The following CACNA2D3 variants were observed in gnomAD, a reference collection of about 807,000 sequenced individuals.
The protein encoded by CACNA2D3 is voltage-dependent calcium channel subunit alpha-2/delta-3.
CACNA2D3 carries 60 observed loss-of-function variants against 160.6 expected under a neutral mutation model. That is an observed-to-expected ratio of 0.37 (90% confidence interval 0.30 to 0.46). The LOEUF is 0.46. Ranked by LOEUF, CACNA2D3 falls within the 20% of genes least tolerant of loss-of-function variation. CACNA2D3 has a pLI of 1.00. For synonymous variants in CACNA2D3, 558 were observed against 492.9 expected (o/e 1.13, Z -1.75); for missense variants, 1,205 against 1,365.0 (o/e 0.88, Z 1.85).
intron 11 of CACNA2D3, among the ~76,000 whole-genome samples, chr3:54,677,019 G>A (rs901888802): frequency 1.6e-4 from 25 of 152,160 alleles, no homozygotes; most frequent in Admixed American, 1.4e-3. Flanking sequence ...CTCAAATGAT[G>A]TGTGGCATTT....
intron 27 of CACNA2D3, among the ~76,000 whole-genome samples, chr3:54,910,590 C>T (rs1391862047): frequency 1.3e-5 from 2 of 152,168 alleles, no homozygotes; most frequent in Admixed American, 6.5e-5. Flanking sequence ...ACTCATCTCC[C>T]TAACTAGTAA....
chr3:54,922,425 C>CAGT (rs1340080564), intron 27 of CACNA2D3, among the ~76,000 whole-genome samples: 2 of 151,888 alleles, frequency 1.3e-5, no homozygotes. Flanking sequence ...TAGTTCAAGC[C>CAGT]ACTTTACCTG....
At chr3:54,883,799 A>ATCTCTCTCACTCTCTCTCTCTCTCTC (rs1553904142) in intron 21 of CACNA2D3, among the ~76,000 whole-genome samples, 9 of 107,420 alleles carry the variant, frequency 8.4e-5, no homozygotes, top group South Asian at 3.9e-4. Context: ...TTACAATGGA[A>ATCTCTCTCACTCTCTCTCTCTCTCTC]TCTCTCTCTC....
intron 4 of CACNA2D3, among the ~76,000 whole-genome samples, chr3:54,434,487 C>T (rs1700033479): frequency 6.6e-6 from 1 of 152,258 alleles, no homozygotes; most frequent in Admixed American, 6.5e-5. Flanking sequence ...TGAGACTCAT[C>T]AAGGTTGTCT....
intron 4 of CACNA2D3, among the ~76,000 whole-genome samples, chr3:54,455,869 G>A (rs920676817): frequency 6.6e-6 from 1 of 151,992 alleles, no homozygotes; most frequent in African/African-American, 2.4e-5. Flanking sequence ...ACCTTTGTGG[G>A]AAATCAGCTG....
chr3:54,580,696 G>A (rs1439275797), intron 8 of CACNA2D3, among the ~76,000 whole-genome samples: 2 of 152,226 alleles, frequency 1.3e-5, no homozygotes, highest in Non-Finnish European at 2.9e-5. Flanking sequence ...CCCTAATGGT[G>A]TGGTCCCACT....
intron 2 of CACNA2D3, among the ~76,000 whole-genome samples, chr3:54,166,453 G>C (rs1196465419): frequency 1.3e-5 from 2 of 152,222 alleles, no homozygotes; most frequent in African/African-American, 4.8e-5. Context: ...CTTGTTAATT[G>C]AATATGTGGT....
At chr3:54,996,924 A>G (rs139836731) in intron 31 of CACNA2D3, among the ~76,000 whole-genome samples, 21 of 152,340 alleles carry the variant, frequency 1.4e-4, no homozygotes, top group African/African-American at 4.6e-4. Context: ...ACACAAGAAC[A>G]GAAAACCAAA....
intron 9 of CACNA2D3, among the ~76,000 whole-genome samples, chr3:54,626,858 C>G (rs548672000): frequency 2.0e-5 from 3 of 152,280 alleles, no homozygotes; most frequent in Admixed American, 2.0e-4. Context: ...GGGCATGAGC[C>G]TGAATTCGCT....
chr3:54,167,072 G>A lies in CACNA2D3; in HGVS notation c.204+43478G>A, dbSNP rs371274430. Reference sequence around the variant, plus strand: ...GGGGGAAGCATCTTACTCCCTTTGCGGAACAAGAATTTCTATGTACAGAGT... The same window carrying A: ...GGGGGAAGCATCTTACTCCCTTTGCAGAACAAGAATTTCTATGTACAGAGT... On this transcript the variant is annotated intron_variant, in intron 2 of 37. Transcript: ENST00000474759. Among the ~76,000 whole-genome samples the A allele has an allele frequency of 3.6e-4, 55 of 152,176 alleles. 2 individuals carry two copies. In the South Asian group the frequency reaches 9.2e-3, roughly 25 times the overall value.
intron 35 of CACNA2D3, among the ~76,000 whole-genome samples, chr3:55,045,878 T>G (rs1386590092): frequency 6.6e-6 from 1 of 152,088 alleles, no homozygotes; most frequent in African/African-American, 2.4e-5. Context: ...TATTGTTTTC[T>G]ATTCTCAATT....
intron 3 of CACNA2D3, among the ~76,000 whole-genome samples, chr3:54,330,210 ATGTGTGTGTG>A (rs10591706): frequency 0.16 from 23,591 of 146,324 alleles, 2,026 homozygotes; most frequent in Non-Finnish European, 0.2. Context: ...TTTAATTGAT[ATGTGTGTGTG>A]TGTGTGTGTG....
intron 5 of CACNA2D3, among the ~76,000 whole-genome samples, chr3:54,539,609 G>A (rs997004205): frequency 2.6e-5 from 4 of 152,184 alleles, no homozygotes; most frequent in African/African-American, 9.7e-5. Context: ...CCAGGTCCTT[G>A]TGGACACACA....
chr3:54,355,449 A>C (rs1357332785), intron 3 of CACNA2D3, among the ~76,000 whole-genome samples: 1 of 152,170 alleles, frequency 6.6e-6, no homozygotes, highest in Non-Finnish European at 1.5e-5. Flanking sequence ...ATGGGGTTGT[A>C]TCAGTAGAGA....
At chr3:54,200,462 T>A (rs1334332332) in intron 2 of CACNA2D3, among the ~76,000 whole-genome samples, 1 of 152,222 alleles carries the variant, frequency 6.6e-6, no homozygotes, top group East Asian at 1.9e-4. Context: ...AGAAAAGTAA[T>A]TTCAAAGAAG....
At chr3:55,057,424 T>C (rs943919090) in intron 35 of CACNA2D3, among the ~76,000 whole-genome samples, 1 of 151,810 alleles carries the variant, frequency 6.6e-6, no homozygotes. Flanking sequence ...AGGTCAAGAT[T>C]CCCCCCATCC....
rs941330997 is a variant in CACNA2D3, at chr3:54,493,371, A to G, written c.382-10121A>G. ...GGATTTCAGGCGTGAGCAACCGCGC[A>G]TGGCCTCAAGAACTTTTTAGTGAAA... On this transcript the variant is annotated intron_variant, in intron 4 of 37. Transcript: ENST00000474759. 5.9e-5 allele frequency among the ~76,000 whole-genome samples: 9 copies of G among 152,146 alleles called. No individual in the cohort carries two copies. The East Asian group carries it at 9.6e-4, about 16-fold the overall frequency.
At chr3:54,162,591 C>T (rs1700367086) in intron 2 of CACNA2D3, among the ~76,000 whole-genome samples, 1 of 152,134 alleles carries the variant, frequency 6.6e-6, no homozygotes, top group Admixed American at 6.5e-5. Flanking sequence ...TAAAATTCCA[C>T]CCAACTTCAA....
chr3:54,461,184 T>A (rs1700497185), intron 4 of CACNA2D3, among the ~76,000 whole-genome samples: 2 of 152,128 alleles, frequency 1.3e-5, no homozygotes, highest in Admixed American at 1.3e-4. Context: ...TTGGCAGTAT[T>A]TGATTGAGGA....
Sources: allele counts gnomAD v4.1 joint callset (sites outside exome capture counted in the v4.1 genomes callset), GRCh38; gene constraint gnomAD v4.1.1; transcripts MANE v1.5; gene names NCBI Gene and HGNC (gene_info 2026-07-23, HGNC 2026-07-21).